Variants in DTX4 observed in about 807,000 individuals in gnomAD.
DTX4 encodes the protein E3 ubiquitin-protein ligase DTX4.
Under a neutral mutation model 57.6 loss-of-function variants are expected in DTX4, and 28 were observed. The observed-to-expected ratio is 0.49, with a 90% CI of 0.36 to 0.67. The LOEUF (loss-of-function observed/expected upper bound fraction) is 0.67, where lower values mean the gene tolerates loss of function less well. Ranked by LOEUF, DTX4 falls within the 30% of genes least tolerant of loss-of-function variation. The pLI, the probability that DTX4 is intolerant of heterozygous loss-of-function variation, is 0.00. For missense variants in DTX4, 715 were observed against 836.8 expected (o/e 0.85, Z 1.80); for synonymous variants, 316 against 331.0 (o/e 0.95, Z 0.49).
chr11:59,198,015 T>G (rs996608079), intron 7 of DTX4, among the ~76,000 whole-genome samples: 2 of 152,174 alleles, frequency 1.3e-5, no homozygotes, highest in African/African-American at 4.8e-5. Context: ...TCTCCACTGT[T>G]AGGATCTACA....
At chr11:59,190,537 C>G (rs886205474) in intron 4 of DTX4, among the ~76,000 whole-genome samples, 1 of 152,148 alleles carries the variant, frequency 6.6e-6, no homozygotes, top group African/African-American at 2.4e-5. Context: ...AAAAAAATCC[C>G]TAAATCATTG....
At chr11:59,183,104 C>G (rs567584351) in intron 2 of DTX4, among the ~76,000 whole-genome samples, 7 of 152,296 alleles carry the variant, frequency 4.6e-5, no homozygotes, top group African/African-American at 1.7e-4. Flanking sequence ...TTCGCTTGTT[C>G]AAGGGTACAT....
chr11:59,182,311 G>A lies in DTX4; in HGVS notation c.784G>A (p.Ala262Thr). Residue 262 changes from alanine (A) to threonine (T), a missense_variant, in exon 2 of 9, where the codon GCC becomes ACC. By Grantham distance (58) the Ala-to-Thr change is moderately conservative. Coordinates refer to ENST00000227451, the MANE Select transcript of DTX4 (RefSeq NM_015177.2). ...TAPSQVIRRQASSMPTGTTMG... is the reference protein window; with the variant it reads ...TAPSQVIRRQTSSMPTGTTMG... Reference sequence around the variant, plus strand: ...CCCATCGCAGGTGATCCGGAGACAAGCCTCCAGCATGCCCACTGGGACAAC... The same window carrying A: ...CCCATCGCAGGTGATCCGGAGACAAACCTCCAGCATGCCCACTGGGACAAC... 1 of 1,612,508 alleles carries A rather than the reference G, an allele frequency of 6.2e-7. No individual in the cohort carries two copies. The highest frequency in any genetic ancestry group is 1.3e-5 in the African/African-American group (1 of 75,038).
upstream of DTX4, among the ~76,000 whole-genome samples, chr11:59,171,866 G>C (rs1273057767): frequency 6.6e-6 from 1 of 152,174 alleles, no homozygotes; most frequent in African/African-American, 2.4e-5. Context: ...AATTACATTT[G>C]GGGGAAGGAG....
intron 1 of DTX4, among the ~76,000 whole-genome samples, chr11:59,179,579 C>T (rs911594414): frequency 6.6e-6 from 1 of 152,260 alleles, no homozygotes; most frequent in African/African-American, 2.4e-5. Flanking sequence ...GGGCACCACC[C>T]CTGGGTCCCC....
intron 1 of DTX4, among the ~76,000 whole-genome samples, chr11:59,175,258 A>T (rs1862381152): frequency 6.6e-6 from 1 of 152,196 alleles, no homozygotes; most frequent in Admixed American, 6.5e-5. Flanking sequence ...AACAAAAGAG[A>T]TCTGGAAGTC....
At chr11:59,201,409 G>A (rs1304603163) in intron 8 of DTX4, among the ~76,000 whole-genome samples, 1 of 152,166 alleles carries the variant, frequency 6.6e-6, no homozygotes, top group Non-Finnish European at 1.5e-5. Context: ...TGTGGCCCAT[G>A]CCCTTCCCAT....
At chr11:59,173,040 A>G (rs1375140550) in intron 1 of DTX4, among the ~76,000 whole-genome samples, 1 of 152,130 alleles carries the variant, frequency 6.6e-6, no homozygotes, top group African/African-American at 2.4e-5. Context: ...ACCCAGCTTC[A>G]ACCTAGTCGG....
intron 7 of DTX4, 80 bp downstream of exon 7, chr11:59,195,449 T>A: frequency 6.8e-7 from 1 of 1,463,472 alleles, no homozygotes; most frequent in South Asian, 1.4e-5. Flanking sequence ...AAAAGTTACA[T>A]ATGAAGAGTC....
At chr11:59,174,963 T>C (rs558208010) in intron 1 of DTX4, among the ~76,000 whole-genome samples, 2 of 152,148 alleles carry the variant, frequency 1.3e-5, no homozygotes, top group Non-Finnish European at 2.9e-5. Context: ...CTGTGCTGGG[T>C]GCTGCGGACA....
chr11:59,190,300 G>A (rs1862579888), intron 4 of DTX4, among the ~76,000 whole-genome samples: 1 of 152,044 alleles, frequency 6.6e-6, no homozygotes, highest in Non-Finnish European at 1.5e-5. Context: ...GTGCATATCG[G>A]GCCCTTATCT....
In DTX4 at chr11:59,206,154, A is replaced by G. The variant is rs1565223351; in HGVS notation, c.*1245A>G. On this transcript the variant is annotated 3_prime_UTR_variant, in exon 9 of 9. Transcript: ENST00000227451. ...TGAAGGCTTCAATCTGTTTCCATGC[A>G]AATTTGCTAATCAGAGCCCAGAGCT... 6.6e-6 allele frequency: 1 copy of G among 152,218 alleles called. No homozygotes were observed. The allele number at this position is 152,218 out of a possible 1,614,324, so 9.4% of individuals were successfully genotyped here.
intron 2 of DTX4, among the ~76,000 whole-genome samples, chr11:59,187,161 G>T (rs1256234412): frequency 6.6e-6 from 1 of 152,220 alleles, no homozygotes; most frequent in Admixed American, 6.5e-5. Flanking sequence ...TACGCTCTCT[G>T]AGTTTCTGGT....
At chr11:59,196,068 G>T (rs1180271213) in intron 7 of DTX4, among the ~76,000 whole-genome samples, 1 of 152,204 alleles carries the variant, frequency 6.6e-6, no homozygotes, top group African/African-American at 2.4e-5. Context: ...AGCTTTTTCT[G>T]AGTGTTCTGG....
upstream of DTX4, chr11:59,171,526 A>C (rs1862322337): frequency 6.6e-6 from 1 of 152,256 alleles, no homozygotes; most frequent in Admixed American, 6.5e-5. Flanking sequence ...AAATTGCTGC[A>C]TCCCTTTGGA....
In DTX4 at chr11:59,172,672, T is replaced by C; in HGVS notation, c.77T>C (p.Val26Ala). ...HGRWRPYSPA[V>A]SHHIEAVVRA... ...CGCTGGCGTCCCTACAGCCCAGCGG[T>C]GAGCCACCACATCGAGGCGGTGGTC... is the stretch of plus-strand genomic sequence containing the variant. The change falls in exon 1 of 9, where the codon GTG becomes GCG. Residue 26 changes from valine (V) to alanine (A), a missense_variant. By Grantham distance (64) the Val-to-Ala change is moderately conservative (BLOSUM62 0). Coordinates refer to ENST00000227451, the MANE Select transcript of DTX4 (RefSeq NM_015177.2). The C allele has an allele frequency of 1.3e-6, 2 of 1,599,600 alleles. No homozygotes were observed. The highest frequency in any genetic ancestry group is 1.1e-5 in the South Asian group (1 of 89,818).
At position 59,172,586 on chromosome 11, in the gene DTX4, C is replaced by A. The variant is rs761031456; in HGVS notation, c.-10C>A. The A allele has an allele frequency of 9.0e-6, 13 of 1,446,936 alleles. No homozygotes were observed. The East Asian group carries it at 3.1e-4, about 35-fold the overall frequency. The allele number at this position is 1,446,936 out of a possible 1,614,324, so 89.6% of individuals were successfully genotyped here. On this transcript the variant is annotated 5_prime_UTR_variant, in exon 1 of 9. Coordinates refer to ENST00000227451, the MANE Select transcript of DTX4 (RefSeq NM_015177.2). ...GGCGGGCCGCGCAGCGCCGCAGCCC[C>A]GGGCTCGCCATGCTCCTGGCCTCGG...
Position 59,208,137 on chromosome 11 carries a change from CTT to C in DTX4, c.*3230_*3231del, listed in dbSNP as rs1862839456. 6.5e-6 allele frequency: 1 copy of C among 152,692 alleles called. No homozygotes were observed. Among genetic ancestry groups the C allele is most frequent in the South Asian group, 2.1e-4 (1 of 4,812 alleles). The allele number at this position is 152,692 out of a possible 1,614,324, so 9.5% of individuals were successfully genotyped here. ...TCGCCACCTGGTGCTCATGAGGTGT[CTT>C]TGCAGAACAATAAATGGCAAATGAA... On this transcript the variant is annotated 3_prime_UTR_variant, in exon 9 of 9. Coordinates refer to ENST00000227451, the MANE Select transcript of DTX4 (RefSeq NM_015177.2).
chr11:59,173,736 CA>C, intron 1 of DTX4, among the ~76,000 whole-genome samples: 1 of 152,186 alleles, frequency 6.6e-6, no homozygotes, highest in Middle Eastern at 3.4e-3. Context: ...CCTGCCTTTC[CA>C]GGTCAGAGCC....
Sources: allele counts gnomAD v4.1 joint callset (sites outside exome capture counted in the v4.1 genomes callset), GRCh38; gene constraint gnomAD v4.1.1; transcripts MANE v1.5; gene names NCBI Gene and HGNC (gene_info 2026-07-23, HGNC 2026-07-21).